Variants in ARHGEF26 observed in about 807,000 individuals in gnomAD.
The protein encoded by ARHGEF26 is Rho guanine nucleotide exchange factor (GEF) 26.
ARHGEF26 carries 59 observed loss-of-function variants against 89.4 expected under a neutral mutation model. The observed-to-expected ratio is 0.66, with a 90% confidence interval of 0.54 to 0.82. ARHGEF26 has a LOEUF of 0.82. ARHGEF26 is among the 40% of genes least tolerant of loss of function. ARHGEF26 has a pLI of 0.00. For synonymous variants in ARHGEF26, 500 were observed against 428.4 expected (o/e 1.17, Z -2.06); for missense variants, 1,234 against 1,085.6 (o/e 1.14, Z -1.92).
intron 10 of ARHGEF26, among the ~76,000 whole-genome samples, chr3:154,223,954 T>A (rs968418179): frequency 7.3e-6 from 1 of 136,848 alleles, no homozygotes. Context: ...CAAGGCTAGC[T>A]TTCTAGGATG....
At chr3:154,136,098 C>T (rs896421669) in intron 4 of ARHGEF26, among the ~76,000 whole-genome samples, 7 of 152,148 alleles carry the variant, frequency 4.6e-5, no homozygotes, top group Non-Finnish European at 8.8e-5. Context: ...CTCTACTGCA[C>T]TCTTCTTTTG....
chr3:154,190,232 C>T (rs1713872208), intron 7 of ARHGEF26, among the ~76,000 whole-genome samples: 1 of 152,062 alleles, frequency 6.6e-6, no homozygotes, highest in Admixed American at 6.6e-5. Flanking sequence ...GGGTTTGAGG[C>T]CAGGCACAGT....
intron 13 of ARHGEF26, 30 bp from the exon 14 acceptor site, chr3:154,254,690 G>T (rs1718371291): frequency 6.3e-7 from 1 of 1,576,038 alleles, no homozygotes; most frequent in African/African-American, 1.3e-5. Flanking sequence ...TCTGCTACTG[G>T]AAACTTAGTA....
intron 14 of ARHGEF26, 95 bp downstream of exon 14, chr3:154,254,919 A>G (rs921882272): frequency 1.0e-6 from 1 of 967,912 alleles, no homozygotes; most frequent in African/African-American, 1.6e-5. Flanking sequence ...CCCATATTCC[A>G]AATCTTGACA....
At chr3:154,217,626 A>G (rs1216430300) in intron 9 of ARHGEF26, among the ~76,000 whole-genome samples, 1 of 152,178 alleles carries the variant, frequency 6.6e-6, no homozygotes, top group Non-Finnish European at 1.5e-5. Flanking sequence ...GATTTGGAAG[A>G]AGGGCGAGGG....
rs1718561170 is a variant in ARHGEF26, at chr3:154,256,952, T to C, written c.*1479T>C. ...TTAAGAGGGGGGAAATGATTTTTAC[T>C]GGCAGCTATATTCCCTCTCTGTTCT... On this transcript the variant is annotated 3_prime_UTR_variant, in exon 15 of 15. Coordinates refer to ENST00000465093, the MANE Select transcript of ARHGEF26 (RefSeq NM_015595.4). 2 of 1,533,708 alleles carry C rather than the reference T, an allele frequency of 1.3e-6. No homozygotes were observed. The highest frequency in any genetic ancestry group is 1.7e-6 in the Non-Finnish European group (2 of 1,146,110).
chr3:154,254,259 T>C (rs1462519895), intron 13 of ARHGEF26, among the ~76,000 whole-genome samples: 2 of 152,210 alleles, frequency 1.3e-5, no homozygotes, highest in Non-Finnish European at 2.9e-5. Flanking sequence ...TTCTCAGCTT[T>C]TGGTTGGAGC....
At chr3:154,148,176 GCAGCCAGC>G (rs1719808777) in intron 4 of ARHGEF26, among the ~76,000 whole-genome samples, 1 of 152,188 alleles carries the variant, frequency 6.6e-6, no homozygotes, top group African/African-American at 2.4e-5. Context: ...CAGCGGCCTG[GCAGCCAGC>G]CATGAGGAGC....
At chr3:154,180,564 T>A (rs2108160488) in intron 6 of ARHGEF26, among the ~76,000 whole-genome samples, 1 of 151,226 alleles carries the variant, frequency 6.6e-6, no homozygotes. Flanking sequence ...CACAAAGGAC[T>A]TAAAAAGGTC....
chr3:154,244,501 A>G (rs936919244), intron 12 of ARHGEF26, among the ~76,000 whole-genome samples: 1 of 152,156 alleles, frequency 6.6e-6, no homozygotes, highest in African/African-American at 2.4e-5. Context: ...TGAAGAAAGC[A>G]TATAGGGAAG....
chr3:154,149,377 T>A lies in ARHGEF26; in HGVS notation c.1270-12T>A, dbSNP rs1170877109. ...AATAAATGAGTCAACTCTACTTTGCTTTTTCTCCTAGGTGAAAAGAAAGGG... is the reference window on the plus strand; with the variant it reads ...AATAAATGAGTCAACTCTACTTTGCATTTTCTCCTAGGTGAAAAGAAAGGG... On this transcript the variant is annotated splice_polypyrimidine_tract_variant and intron_variant, in intron 4 of 14. Transcript: ENST00000465093. 2 of 1,597,078 alleles carry A rather than the reference T, an allele frequency of 1.3e-6. No individual in the cohort carries two copies.
In ARHGEF26 at chr3:154,124,367, T is replaced by C. The variant is rs779653457; in HGVS notation, c.1084-43T>C. 2.3e-6 allele frequency: 3 copies of C among 1,291,470 alleles called. 1 individual carries two copies. In the South Asian group the frequency reaches 4.3e-5, roughly 19 times the overall value. 80.0% of individuals were successfully genotyped at this position (1,291,470 alleles called of 1,614,324 possible). ...TTTGGCTCATTCATACATAGTTTGCTTTTCCTTTTTTTTTTTTTTTTTTAC... is the reference window on the plus strand; with the variant it reads ...TTTGGCTCATTCATACATAGTTTGCCTTTCCTTTTTTTTTTTTTTTTTTAC... On this transcript the variant is annotated intron_variant, in intron 2 of 14. Transcript: ENST00000465093.
rs1718568287 is a variant in ARHGEF26, at chr3:154,257,052, C to T, written c.*1579C>T. ...GACTCAAATCTGTATGTGACATGTC[C>T]CAACTACTGTCCGCTAACTAGTTAT... On this transcript the variant is annotated 3_prime_UTR_variant, in exon 15 of 15. Transcript: ENST00000465093. The T allele has an allele frequency of 1.4e-6, 2 of 1,395,716 alleles. No individual in the cohort carries two copies. Among genetic ancestry groups the T allele is most frequent in the Non-Finnish European group, 1.9e-6 (2 of 1,073,326 alleles). The allele number at this position is 1,395,716 out of a possible 1,614,324, so 86.5% of individuals were successfully genotyped here.
At chr3:154,149,332 C>A (rs2108090921) in intron 4 of ARHGEF26, 57 bp from the exon 5 acceptor site, 1 of 1,460,608 alleles carries the variant, frequency 6.8e-7, no homozygotes, top group Non-Finnish European at 9.4e-7. Context: ...GAATAATGCC[C>A]TTGAAACTTT....
At chr3:154,147,543 A>G (rs1004702532) in intron 4 of ARHGEF26, among the ~76,000 whole-genome samples, 1 of 152,248 alleles carries the variant, frequency 6.6e-6, no homozygotes, top group Non-Finnish European at 1.5e-5. Flanking sequence ...CAATAGAAAC[A>G]CTTGAAGAAA....
In ARHGEF26 at chr3:154,255,560, T is replaced by G. The variant is rs1334943182; in HGVS notation, c.*87T>G. On this transcript the variant is annotated 3_prime_UTR_variant, in exon 15 of 15. Transcript: ENST00000465093. ...TGGGCTAGTTTTATTGTTAATTTTG[T>G]CACAGCCTATTTAATTAAAAGAACG... 2.0e-6 allele frequency: 3 copies of G among 1,504,832 alleles called. No homozygotes were observed. Among genetic ancestry groups the G allele is most frequent in the Non-Finnish European group, 2.7e-6 (3 of 1,130,912 alleles). 93.2% of individuals were successfully genotyped at this position (1,504,832 alleles called of 1,614,324 possible).
chr3:154,194,820 C>G lies in ARHGEF26; in HGVS notation c.1845+102C>G. ...GATGCTGAAAACTGGTAGAGTCTCACAGCCATTTGTACAGCGTTCTTTAGG... is the reference window on the plus strand; with the variant it reads ...GATGCTGAAAACTGGTAGAGTCTCAGAGCCATTTGTACAGCGTTCTTTAGG... On this transcript the variant is annotated intron_variant, in intron 9 of 14. Coordinates refer to ENST00000465093, the MANE Select transcript of ARHGEF26 (RefSeq NM_015595.4). 2.1e-6 allele frequency: 2 copies of G among 969,232 alleles called. 1 individual carries two copies. Among genetic ancestry groups the G allele is most frequent in the South Asian group, 2.9e-5 (2 of 67,986 alleles). 60.0% of individuals were successfully genotyped at this position (969,232 alleles called of 1,614,324 possible). A position where few individuals can be genotyped will look rare whatever the true frequency, so the allele number is the denominator to read the frequency against.
chr3:154,215,558 A>G, intron 9 of ARHGEF26, among the ~76,000 whole-genome samples: 1 of 152,124 alleles, frequency 6.6e-6, no homozygotes, highest in East Asian at 1.9e-4. Context: ...AGCTGCTGTA[A>G]CAGAGTACCA....
chr3:154,242,229 T>C (rs1017407614), intron 12 of ARHGEF26, among the ~76,000 whole-genome samples: 2 of 152,224 alleles, frequency 1.3e-5, no homozygotes, highest in African/African-American at 4.8e-5. Context: ...CAGTGGTTCC[T>C]CTGATGGATC....
Sources: allele counts gnomAD v4.1 joint callset (sites outside exome capture counted in the v4.1 genomes callset), GRCh38; gene constraint gnomAD v4.1.1; transcripts MANE v1.5; gene names NCBI Gene and HGNC (gene_info 2026-07-23, HGNC 2026-07-21).